Variants in DPP6 observed in about 807,000 individuals in gnomAD.
The protein encoded by DPP6 is A-type potassium channel modulatory protein DPP6.
DPP6 carries 69 observed loss-of-function variants against 122.6 expected under a neutral mutation model. That is an observed-to-expected ratio of 0.56 (90% CI 0.46 to 0.69). DPP6 has a LOEUF of 0.69. Ranked by LOEUF, DPP6 falls within the 30% of genes least tolerant of loss-of-function variation. The probability of loss-of-function intolerance (pLI) is 0.00; values close to 1 mark genes in which losing one functional copy is unlikely to be tolerated. For missense variants in DPP6, 928 were observed against 1,116.9 expected, an observed-to-expected ratio of 0.83 and a Z score of 2.41; for synonymous variants, 418 against 433.1, an observed-to-expected ratio of 0.97 and a Z score of 0.43.
intron 1 of DPP6, among the ~76,000 whole-genome samples, chr7:154,306,586 G>A (rs540351209): frequency 2.2e-4 from 33 of 152,350 alleles, no homozygotes; most frequent in African/African-American, 7.0e-4. Context: ...GACACTGTGT[G>A]ACAGAATTCC....
In DPP6 at chr7:154,778,007, T is replaced by C. The variant is rs1281124653; in HGVS notation, c.1136+5065T>C. 4.6e-5 allele frequency among the ~76,000 whole-genome samples: 7 copies of C among 152,328 alleles called. No homozygotes were observed. The East Asian group carries it at 1.3e-3, about 29-fold the overall frequency. On this transcript the variant is annotated intron_variant, in intron 10 of 25. Transcript: ENST00000377770. ...GTCCATGCAGGCCTCTCTCATTTTA[T>C]TGATTTGCTCTTTTTCAACTTTAGT...
intron 1 of DPP6, chr7:154,305,150 G>A: frequency 1.4e-6 from 1 of 727,228 alleles, no homozygotes; most frequent in Non-Finnish European, 1.7e-6. Context: ...CGAGGAGGCA[G>A]CGCGCATCAC....
chr7:154,787,487 G>A (rs1047751288), intron 10 of DPP6, among the ~76,000 whole-genome samples: 2 of 152,152 alleles, frequency 1.3e-5, no homozygotes, highest in Admixed American at 1.3e-4. Flanking sequence ...TCAGATGTCA[G>A]GTGGTTCCAG....
At chr7:154,438,718 C>T (rs1470444872) in intron 1 of DPP6, among the ~76,000 whole-genome samples, 1 of 152,104 alleles carries the variant, frequency 6.6e-6, no homozygotes, top group Non-Finnish European at 1.5e-5. Context: ...TTCTGTAAAT[C>T]TGCTTTATTT....
chr7:153,940,443 C>G (rs1801645549), intron 1 of DPP6, among the ~76,000 whole-genome samples: 1 of 152,086 alleles, frequency 6.6e-6, no homozygotes, highest in Admixed American at 6.5e-5. Context: ...CTAAGAATTA[C>G]TTGTGAGTGG....
chr7:154,556,540 T>G (rs1023857101), intron 4 of DPP6, among the ~76,000 whole-genome samples: 1 of 152,194 alleles, frequency 6.6e-6, no homozygotes, highest in Non-Finnish European at 1.5e-5. Context: ...ATACACAAAA[T>G]TACGTTCCAA....
chr7:154,054,944 A>C (rs1029097958), intron 1 of DPP6, among the ~76,000 whole-genome samples: 1 of 152,040 alleles, frequency 6.6e-6, no homozygotes, highest in African/African-American at 2.4e-5. Flanking sequence ...TGGAGTATAC[A>C]TGTCCTTCTT....
At chr7:154,328,782 G>T (rs1056230565) in intron 1 of DPP6, among the ~76,000 whole-genome samples, 1 of 152,106 alleles carries the variant, frequency 6.6e-6, no homozygotes, top group Non-Finnish European at 1.5e-5. Flanking sequence ...CATTAACCCC[G>T]TTGCCCTGGA....
intron 6 of DPP6, 22 bp from the exon 7 acceptor site, chr7:154,669,338 T>C (rs1333332462): frequency 6.4e-7 from 1 of 1,552,062 alleles, no homozygotes; most frequent in Non-Finnish European, 8.7e-7. Context: ...GCTTTGTTTT[T>C]GTTTGTTTGT....
chr7:154,861,755 A>G (rs893331426), intron 17 of DPP6, among the ~76,000 whole-genome samples: 1 of 152,060 alleles, frequency 6.6e-6, no homozygotes, highest in Non-Finnish European at 1.5e-5. Context: ...TTTTTCACTC[A>G]GTTCATGAGC....
At chr7:154,170,893 G>T (rs915202448) in intron 1 of DPP6, among the ~76,000 whole-genome samples, 2 of 152,182 alleles carry the variant, frequency 1.3e-5, no homozygotes, top group Non-Finnish European at 2.9e-5. Context: ...GGTCTTCCCA[G>T]TGTGACTGGA....
chr7:154,791,487 C>T (rs1030028230), intron 10 of DPP6, among the ~76,000 whole-genome samples: 2 of 152,080 alleles, frequency 1.3e-5, no homozygotes, highest in African/African-American at 4.8e-5. Context: ...TATTCCCTAC[C>T]ATGGGAACAG....
At chr7:153,840,305 A>G in the DPP6 span, among the ~76,000 whole-genome samples, 3 of 152,224 alleles carry the variant, frequency 2.0e-5, no homozygotes, top group Non-Finnish European at 4.4e-5. Flanking sequence ...ATATGTAGAA[A>G]GGATTTTTTA....
At chr7:154,711,951 C>CACACACA in intron 7 of DPP6, among the ~76,000 whole-genome samples, 1 of 151,438 alleles carries the variant, frequency 6.6e-6, no homozygotes, top group African/African-American at 2.4e-5. Flanking sequence ...CACACACACA[C>CACACACA]ACACACACAC....
intron 3 of DPP6, among the ~76,000 whole-genome samples, chr7:154,517,144 A>G (rs186893466): frequency 6.3e-4 from 96 of 152,288 alleles, no homozygotes; most frequent in African/African-American, 2.2e-3. Flanking sequence ...CAAGGTCATC[A>G]CTTGCCTCTG....
rs370619595 is a variant in DPP6 at position 154,284,072 on chromosome 7, G to C, written c.244-162142G>C. 1.4e-4 allele frequency among the ~76,000 whole-genome samples: 20 copies of C among 143,800 alleles called. No individual in the cohort carries two copies. In the East Asian group the frequency reaches 4.7e-3, roughly 33 times the overall value. The allele number at this position is 143,800 out of a possible 152,430, so 94.3% of individuals were successfully genotyped here. Reference sequence around the variant, plus strand: ...AGAATTACTTCCCTGTTTGATAAACGGGGAAGCTGAGTCAGGGGGAGCTGC... The same window carrying C: ...AGAATTACTTCCCTGTTTGATAAACCGGGAAGCTGAGTCAGGGGGAGCTGC... On this transcript the variant is annotated intron_variant, in intron 1 of 25. Transcript: ENST00000377770.
chr7:153,871,944 T>C, the DPP6 span, among the ~76,000 whole-genome samples: 2 of 152,216 alleles, frequency 1.3e-5, no homozygotes, highest in East Asian at 3.8e-4. Context: ...CCGCTGCGAA[T>C]ATGGACTGCA....
chr7:154,355,589 G>A (rs1160501479), intron 1 of DPP6, among the ~76,000 whole-genome samples: 1 of 152,104 alleles, frequency 6.6e-6, no homozygotes, highest in Non-Finnish European at 1.5e-5. Flanking sequence ...TATGAATATT[G>A]AGTTCTTACA....
intron 1 of DPP6, among the ~76,000 whole-genome samples, chr7:154,111,964 T>G (rs946326418): frequency 1.2e-4 from 18 of 152,184 alleles, no homozygotes; most frequent in African/African-American, 4.1e-4. Context: ...GATCAAAATT[T>G]TATTAAGGCC....
Sources: allele counts gnomAD v4.1 joint callset (sites outside exome capture counted in the v4.1 genomes callset), GRCh38; gene constraint gnomAD v4.1.1; transcripts MANE v1.5; gene names NCBI Gene and HGNC (gene_info 2026-07-23, HGNC 2026-07-21).